The following MTFR1 variants were observed in gnomAD, a reference collection of about 807,000 sequenced individuals.
MTFR1 encodes chondrocyte protein with a poly-proline region.
Under a neutral mutation model 38.8 loss-of-function variants are expected in MTFR1, and 28 were observed. The observed-to-expected ratio is 0.72, with a 90% CI of 0.53 to 0.99. MTFR1 has a LOEUF of 0.99. Ranked by LOEUF, MTFR1 falls within the 50% of genes least tolerant of loss-of-function variation. The probability of loss-of-function intolerance (pLI) is 0.00; values close to 1 mark genes in which losing one functional copy is unlikely to be tolerated. For synonymous variants in MTFR1, 145 were observed against 137.0 expected, an observed-to-expected ratio of 1.06 and a Z score of -0.41; for missense variants, 358 against 395.5, an observed-to-expected ratio of 0.91 and a Z score of 0.81.
At chr8:65,739,640 T>C in intron 3 of MTFR1, 1 of 1,429,252 alleles carries the variant, frequency 7.0e-7, no homozygotes, top group Non-Finnish European at 9.2e-7. Flanking sequence ...GAAATACAAG[T>C]CAACACAATT....
intron 2 of MTFR1, among the ~76,000 whole-genome samples, chr8:65,678,630 G>A (rs1804784742): frequency 6.6e-6 from 1 of 152,160 alleles, no homozygotes; most frequent in Admixed American, 6.5e-5. Flanking sequence ...GCTGGGCGTT[G>A]TGGCTCATGC....
chr8:65,707,796 G>A (rs749661011), intron 6 of MTFR1, 47 bp from the exon 7 acceptor site: 1 of 1,588,844 alleles, frequency 6.3e-7, no homozygotes, highest in South Asian at 1.1e-5. Flanking sequence ...CCCTGAGGGT[G>A]GCCAGTGTAT....
At chr8:65,650,864 T>C (rs1358974603) in intron 1 of MTFR1, among the ~76,000 whole-genome samples, 1 of 152,214 alleles carries the variant, frequency 6.6e-6, no homozygotes, top group Non-Finnish European at 1.5e-5. Flanking sequence ...TTCTAGTTTT[T>C]TGAGGAACCT....
At chr8:65,759,120 CT>C (rs1808375134) in intron 3 of MTFR1, among the ~76,000 whole-genome samples, 1 of 152,214 alleles carries the variant, frequency 6.6e-6, no homozygotes. Context: ...CATTTTACGT[CT>C]TTTCCAAACT....
rs34922134 is a variant in MTFR1 at position 65,744,280 on chromosome 8, T to C, written c.*48+24799T>C. Among the ~76,000 whole-genome samples, 1,000 of 151,500 alleles carry C rather than the reference T, an allele frequency of 6.6e-3. 8 individuals are homozygous for C. Among genetic ancestry groups the C allele is most frequent in the Non-Finnish European group, 0.011 (726 of 67,866 alleles). On this transcript the variant is annotated intron_variant, in intron 3 of 3. Coordinates refer to the MTFR1 transcript ENST00000521247. The stretch of plus-strand genomic sequence containing the variant: ...GAAGGAACTTTTTTAAAAATGGAAA[T>C]GGAAATGAACACTTTCTTGATAAAG...
At chr8:65,757,738 C>G (rs1022379449) in intron 3 of MTFR1, among the ~76,000 whole-genome samples, 1 of 152,162 alleles carries the variant, frequency 6.6e-6, no homozygotes, top group Admixed American at 6.5e-5. Context: ...TCTGCCTCAG[C>G]CTCCTGAGTA....
chr8:65,759,126 C>T (rs1192665533), intron 3 of MTFR1, among the ~76,000 whole-genome samples: 3 of 152,182 alleles, frequency 2.0e-5, no homozygotes, highest in Non-Finnish European at 4.4e-5. Context: ...ACGTCTTTTC[C>T]AAACTATTTT....
At chr8:65,675,493 G>C (rs1459755583) in intron 2 of MTFR1, among the ~76,000 whole-genome samples, 1 of 150,496 alleles carries the variant, frequency 6.6e-6, no homozygotes, top group Non-Finnish European at 1.5e-5. Flanking sequence ...CAGCTATTCA[G>C]GAGGCTGAGG....
At chr8:65,777,077 C>CT in the MTFR1 span, among the ~76,000 whole-genome samples, 577 of 90,370 alleles carry the variant, frequency 6.4e-3, 5 homozygotes, top group Non-Finnish European at 8.5e-3. Flanking sequence ...TTATCAAATG[C>CT]TTTTTTTTTT....
intron 3 of MTFR1, chr8:65,719,611 T>C (rs1445256571): frequency 1.5e-6 from 1 of 683,004 alleles, no homozygotes. Flanking sequence ...CAGATCTTAT[T>C]CTTCAAAAGA....
intron 3 of MTFR1, among the ~76,000 whole-genome samples, chr8:65,730,168 C>CT (rs1563473710): frequency 9.5e-5 from 3 of 31,676 alleles, no homozygotes; most frequent in African/African-American, 7.3e-4. Flanking sequence ...AGGTTGCGCA[C>CT]TTCTTTTTTT....
chr8:65,765,501 A>AAAAAAG, intron 3 of MTFR1: 1 of 146,640 alleles, frequency 6.8e-6, no homozygotes, highest in African/African-American at 2.6e-5. Context: ...AAAAAAAAAA[A>AAAAAAG]AAAAAAAAAA....
chr8:65,723,284 T>A (rs1485662698), intron 3 of MTFR1: 1 of 229,516 alleles, frequency 4.4e-6, no homozygotes, highest in Non-Finnish European at 8.2e-6. Context: ...CATGAGCGAA[T>A]AATGGATTCT....
intron 2 of MTFR1, among the ~76,000 whole-genome samples, chr8:65,678,508 T>C (rs1804781109): frequency 1.3e-5 from 2 of 152,238 alleles, no homozygotes; most frequent in Admixed American, 1.3e-4. Flanking sequence ...GTTAGTCTAC[T>C]GTGTATGCTT....
At chr8:65,733,786 T>G (rs1470491311) in intron 3 of MTFR1, among the ~76,000 whole-genome samples, 2 of 152,174 alleles carry the variant, frequency 1.3e-5, no homozygotes, top group African/African-American at 2.4e-5. Context: ...TATTCTATGA[T>G]CTCTTAAATA....
At chr8:65,769,406 A>G (rs937438027) in intron 3 of MTFR1, among the ~76,000 whole-genome samples, 3 of 152,318 alleles carry the variant, frequency 2.0e-5, no homozygotes, top group Non-Finnish European at 4.4e-5. Flanking sequence ...AAGCTGCCAA[A>G]CTAACCCTGA....
chr8:65,673,820 C>A (rs1203757809), intron 2 of MTFR1, among the ~76,000 whole-genome samples: 1 of 151,904 alleles, frequency 6.6e-6, no homozygotes, highest in Non-Finnish European at 1.5e-5. Context: ...GCAGGAGAAT[C>A]GCTTGAACCC....
the MTFR1 span, among the ~76,000 whole-genome samples, chr8:65,778,526 T>C: frequency 1.2e-4 from 18 of 152,246 alleles, no homozygotes; most frequent in African/African-American, 4.3e-4. Flanking sequence ...CAAGCCAAAC[T>C]TGATATATAC....
intron 3 of MTFR1, chr8:65,725,019 C>A: frequency 1.7e-6 from 1 of 605,412 alleles, no homozygotes; most frequent in Non-Finnish European, 2.6e-6. Flanking sequence ...CTTTATAGAA[C>A]CCTAAAATAT....
Sources: allele counts gnomAD v4.1 joint callset (sites outside exome capture counted in the v4.1 genomes callset), GRCh38; gene constraint gnomAD v4.1.1; transcripts MANE v1.5; gene names NCBI Gene and HGNC (gene_info 2026-07-23, HGNC 2026-07-21).